The following ABCD2 variants were observed in gnomAD, a reference collection of about 807,000 sequenced individuals.
ABCD2 encodes the protein ATP binding cassette subfamily D member 2.
A neutral mutation model predicts 70.9 loss-of-function variants in ABCD2; 36 were observed. That is an observed-to-expected ratio of 0.51 (90% CI 0.39 to 0.67). ABCD2 has a LOEUF of 0.67. ABCD2 is among the 30% of genes least tolerant of loss of function. The pLI is 0.00. For missense variants in ABCD2, 729 were observed against 890.2 expected, an observed-to-expected ratio of 0.82 and a Z score of 2.30; for synonymous variants, 304 against 306.9, an observed-to-expected ratio of 0.99 and a Z score of 0.10.
chr12:39,596,248 T>A (rs1303039001), intron 6 of ABCD2, among the ~76,000 whole-genome samples: 2 of 152,230 alleles, frequency 1.3e-5, no homozygotes, highest in Non-Finnish European at 1.5e-5. Context: ...TCAGGTCAAA[T>A]GACACACTGT....
At chr12:39,566,595 G>A (rs1591971321) in intron 9 of ABCD2, among the ~76,000 whole-genome samples, 1 of 152,148 alleles carries the variant, frequency 6.6e-6, no homozygotes, top group Admixed American at 6.5e-5. Context: ...TGGATTCATT[G>A]ATTTTTTTGA....
At chr12:39,614,557 T>G (rs1307728376) in intron 2 of ABCD2, among the ~76,000 whole-genome samples, 4 of 151,924 alleles carry the variant, frequency 2.6e-5, no homozygotes, top group Admixed American at 1.3e-4. Flanking sequence ...TCTACCTTTT[T>G]TTTTTGCCTT....
intron 6 of ABCD2, among the ~76,000 whole-genome samples, chr12:39,597,589 G>C (rs1369911030): frequency 6.6e-6 from 1 of 152,168 alleles, no homozygotes; most frequent in Non-Finnish European, 1.5e-5. Flanking sequence ...ATATAGGAGA[G>C]AGCAGTGAGT....
intron 9 of ABCD2, among the ~76,000 whole-genome samples, chr12:39,555,228 A>G (rs768597787): frequency 2.6e-5 from 4 of 151,934 alleles, no homozygotes; most frequent in Non-Finnish European, 4.4e-5. Context: ...GACAACCACT[A>G]ATCTCCCCTC....
chr12:39,543,803 G>T, the ABCD2 span, among the ~76,000 whole-genome samples: 2 of 152,008 alleles, frequency 1.3e-5, no homozygotes, highest in Admixed American at 6.6e-5. Flanking sequence ...CAGTCATTCT[G>T]TTACTTATTC....
chr12:39,558,528 T>C (rs1044090899), intron 9 of ABCD2, among the ~76,000 whole-genome samples: 3 of 152,190 alleles, frequency 2.0e-5, no homozygotes, highest in Admixed American at 6.5e-5. Flanking sequence ...TGGAGGCAAT[T>C]GGATCATGAT....
At chr12:39,584,807 T>C (rs538634204) in intron 7 of ABCD2, among the ~76,000 whole-genome samples, 1 of 152,326 alleles carries the variant, frequency 6.6e-6, no homozygotes, top group Admixed American at 6.5e-5. Context: ...TTGTCAGCTT[T>C]GTTGAAGATT....
rs1296031196 is a variant in ABCD2, at chr12:39,607,814, C to T, written c.1121-100G>A. 2.2e-5 allele frequency: 17 copies of T among 775,814 alleles called. No homozygotes were observed. The South Asian group carries it at 2.5e-4, about 12-fold the overall frequency. 48.1% of individuals were successfully genotyped at this position (775,814 alleles called of 1,614,324 possible). A position where few individuals can be genotyped will look rare whatever the true frequency, so the allele number is the denominator to read the frequency against. ...ACAAACTAAATTGTGGCTAAAACAA[C>T]CACATATTAATTTTTCATTAGTAGT... On this transcript the variant is annotated intron_variant, in intron 2 of 9. Coordinates refer to ENST00000308666, the MANE Select transcript of ABCD2 (RefSeq NM_005164.4).
the ABCD2 span, among the ~76,000 whole-genome samples, chr12:39,544,474 C>G: frequency 6.6e-6 from 1 of 152,160 alleles, no homozygotes. Flanking sequence ...AGGGCTGTTA[C>G]TGTCTTTGTG....
chr12:39,565,628 C>G (rs1283582077), intron 9 of ABCD2, among the ~76,000 whole-genome samples: 1 of 152,108 alleles, frequency 6.6e-6, no homozygotes, highest in South Asian at 2.1e-4. Context: ...TATTTCCTTT[C>G]CTGCCTGATT....
chr12:39,618,698 A>G lies in ABCD2; in HGVS notation c.918T>C (p.Ile306=), dbSNP rs769225258. Residue 306 remains isoleucine (I), a synonymous_variant, in exon 1 of 10, where the codon ATT becomes ATC. Coordinates refer to ENST00000308666, the MANE Select transcript of ABCD2 (RefSeq NM_005164.4). ...HSRIIANVEE[I]AFYRGHKVEM... Reference sequence around the variant, plus strand: ...TTACCTTATGTCCTCTGTAAAAGGCAATTTCTTCTACATTGGCTATAATTC... The same window carrying G: ...TTACCTTATGTCCTCTGTAAAAGGCGATTTCTTCTACATTGGCTATAATTC... The G allele has an allele frequency of 1.9e-6, 3 of 1,613,936 alleles. No homozygotes were observed. The highest frequency in any genetic ancestry group is 2.2e-5 in the South Asian group (2 of 91,062).
intron 7 of ABCD2, among the ~76,000 whole-genome samples, chr12:39,583,659 T>C (rs1280731010): frequency 6.6e-6 from 1 of 152,140 alleles, no homozygotes; most frequent in East Asian, 1.9e-4. Context: ...TTTCTGCTCC[T>C]CTCCCTCCTC....
At chr12:39,615,649 A>G (rs1024672901) in intron 2 of ABCD2, among the ~76,000 whole-genome samples, 39 of 152,236 alleles carry the variant, frequency 2.6e-4, no homozygotes, top group African/African-American at 8.9e-4. Context: ...CCACAAAGAA[A>G]GGCTGACAAA....
At chr12:39,579,820 A>T (rs1010400010) in intron 7 of ABCD2, among the ~76,000 whole-genome samples, 2 of 151,992 alleles carry the variant, frequency 1.3e-5, no homozygotes, top group African/African-American at 4.8e-5. Context: ...GATGGTAATA[A>T]CTTCTTATAC....
At chr12:39,532,710 C>T in the ABCD2 span, among the ~76,000 whole-genome samples, 1 of 152,254 alleles carries the variant, frequency 6.6e-6, no homozygotes, top group South Asian at 2.1e-4. Flanking sequence ...TGGAACAGTG[C>T]ACCACCTTAT....
the ABCD2 span, among the ~76,000 whole-genome samples, chr12:39,531,187 G>T: frequency 6.6e-6 from 1 of 152,132 alleles, no homozygotes; most frequent in African/African-American, 2.4e-5. Context: ...CATTTTATAG[G>T]ATTTTTCTGT....
chr12:39,593,446 C>G (rs1022779621), intron 6 of ABCD2, among the ~76,000 whole-genome samples: 2 of 151,956 alleles, frequency 1.3e-5, no homozygotes, highest in African/African-American at 2.4e-5. Context: ...TTGACGGGGT[C>G]CCCCTATGTT....
chr12:39,610,868 C>T (rs1942035556), intron 2 of ABCD2, among the ~76,000 whole-genome samples: 1 of 152,202 alleles, frequency 6.6e-6, no homozygotes, highest in Admixed American at 6.5e-5. Context: ...ATGCACACAA[C>T]AGCCAACTGC....
At position 39,567,511 on chromosome 12, in the gene ABCD2, A is replaced by T. The variant is rs192021490; in HGVS notation, c.2003+6205T>A. 1.3e-3 allele frequency among the ~76,000 whole-genome samples: 190 copies of T among 151,946 alleles called. 1 individual carries two copies. Among genetic ancestry groups the T allele is most frequent in the African/African-American group, 3.8e-3 (159 of 41,418 alleles). The stretch of plus-strand genomic sequence containing the variant: ...GATCTTCCTCTATCCCTTTATTTTG[A>T]GCCTATGTGTGTCTCTGAACATGAG... On this transcript the variant is annotated intron_variant, in intron 9 of 9. Transcript: ENST00000308666.
Sources: gnomAD v4.1 joint callset for allele counts (sites outside exome capture counted in the v4.1 genomes callset) on GRCh38, gnomAD v4.1.1 for gene constraint, MANE v1.5 for transcripts, NCBI Gene and HGNC (gene_info 2026-07-23, HGNC 2026-07-21) for gene names.